Variants in SLC16A7 observed in about 807,000 individuals in gnomAD.
SLC16A7 encodes monocarboxylate transporter 2.
Under a neutral mutation model 34.9 loss-of-function variants are expected in SLC16A7, and 33 were observed. That is an observed-to-expected ratio of 0.94 (90% confidence interval 0.72 to 1.26). The LOEUF is 1.26. Ranked by LOEUF, SLC16A7 falls within the 50% of genes most tolerant of loss-of-function variation. SLC16A7 has a pLI of 0.00. For missense variants in SLC16A7, 573 were observed against 578.1 expected (o/e 0.99, Z 0.09); for synonymous variants, 201 against 206.6 (o/e 0.97, Z 0.23).
chr12:59,775,027 T>C lies in SLC16A7; in HGVS notation c.732T>C (p.His244=), dbSNP rs1301956930. 3.7e-6 allele frequency: 6 copies of C among 1,614,048 alleles called. No homozygotes were observed. The highest frequency in any genetic ancestry group is 5.1e-6 in the Non-Finnish European group (6 of 1,179,958). Residue 244 remains histidine, a synonymous_variant, in exon 5 of 6, where the codon CAT becomes CAC. Coordinates refer to ENST00000547379, the MANE Select transcript of SLC16A7 (RefSeq NM_001270623.2). ...NKYLDFSLFK[H]RGFLIYLSGN... Reference sequence around the variant, plus strand: ...ATTTAGATTTCTCCCTTTTTAAGCATAGAGGATTTCTGATATATCTGTCTG... The same window carrying C: ...ATTTAGATTTCTCCCTTTTTAAGCACAGAGGATTTCTGATATATCTGTCTG...
intron 1 of SLC16A7, among the ~76,000 whole-genome samples, chr12:59,615,712 A>C (rs988425446): frequency 6.6e-6 from 1 of 152,218 alleles, no homozygotes; most frequent in African/African-American, 2.4e-5. Context: ...CCATTGCCTC[A>C]GAAATCTGTT....
chr12:59,600,397 G>C (rs112082510), intron 1 of SLC16A7, among the ~76,000 whole-genome samples: 131 of 152,064 alleles, frequency 8.6e-4, no homozygotes, highest in African/African-American at 2.9e-3. Flanking sequence ...AAAACTGTTT[G>C]GATCAAAGTG....
intron 2 of SLC16A7, among the ~76,000 whole-genome samples, chr12:59,684,734 G>A (rs151018593): frequency 6.6e-6 from 1 of 152,168 alleles, no homozygotes; most frequent in East Asian, 1.9e-4. Context: ...AGGAGGAAAG[G>A]TCAAGGTGGA....
chr12:59,681,624 G>C (rs2137074053), intron 2 of SLC16A7, among the ~76,000 whole-genome samples: 1 of 152,308 alleles, frequency 6.6e-6, no homozygotes, highest in Admixed American at 6.5e-5. Flanking sequence ...GCATGGGGAA[G>C]AGGATGGAAG....
chr12:59,753,172 C>T (rs868459346), intron 3 of SLC16A7, among the ~76,000 whole-genome samples: 35 of 152,092 alleles, frequency 2.3e-4, no homozygotes, highest in Admixed American at 7.2e-4. Context: ...TAAAGTCCAT[C>T]GAGGCTAGGA....
intron 3 of SLC16A7, among the ~76,000 whole-genome samples, chr12:59,713,657 T>C (rs1357012079): frequency 2.0e-5 from 3 of 152,174 alleles, no homozygotes; most frequent in African/African-American, 7.2e-5. Context: ...AAGTATATGC[T>C]TCAGGAGTGT....
intron 3 of SLC16A7, among the ~76,000 whole-genome samples, chr12:59,711,775 C>G (rs1006730758): frequency 6.6e-6 from 1 of 152,164 alleles, no homozygotes; most frequent in African/African-American, 2.4e-5. Context: ...AAGGGCTGGA[C>G]TTACAGATGT....
chr12:59,599,807 G>A (rs549650839), intron 1 of SLC16A7, among the ~76,000 whole-genome samples: 28 of 152,204 alleles, frequency 1.8e-4, no homozygotes, highest in African/African-American at 6.5e-4. Flanking sequence ...GAACTACTTC[G>A]TAACTTGATC....
intron 2 of SLC16A7, among the ~76,000 whole-genome samples, chr12:59,682,103 G>A (rs889793523): frequency 2.6e-5 from 4 of 152,252 alleles, no homozygotes; most frequent in African/African-American, 4.8e-5. Context: ...TTACCTAGCT[G>A]TACTTAGTAC....
At chr12:59,767,219 A>G (rs1881752336) in intron 3 of SLC16A7, among the ~76,000 whole-genome samples, 1 of 151,670 alleles carries the variant, frequency 6.6e-6, no homozygotes, top group Admixed American at 6.6e-5. Context: ...GTTTAAGGAA[A>G]GAAGCCATCT....
At chr12:59,766,068 C>T (rs1002185723) in intron 3 of SLC16A7, among the ~76,000 whole-genome samples, 3 of 152,040 alleles carry the variant, frequency 2.0e-5, no homozygotes, top group Admixed American at 6.6e-5. Flanking sequence ...AAGTTGGATT[C>T]CTAGGTATTT....
chr12:59,598,469 A>T (rs1470118723), intron 1 of SLC16A7, among the ~76,000 whole-genome samples: 2 of 150,686 alleles, frequency 1.3e-5, no homozygotes, highest in Non-Finnish European at 3.0e-5. Flanking sequence ...TCTTTCTTGT[A>T]TCCCATTTGC....
At chr12:59,623,993 A>G (rs1879812338) in intron 1 of SLC16A7, among the ~76,000 whole-genome samples, 1 of 151,472 alleles carries the variant, frequency 6.6e-6, no homozygotes, top group Non-Finnish European at 1.5e-5. Context: ...TTACAGTAAT[A>G]GAGTTTAAAA....
intron 2 of SLC16A7, among the ~76,000 whole-genome samples, chr12:59,685,287 A>T (rs1027325463): frequency 6.6e-6 from 1 of 152,148 alleles, no homozygotes; most frequent in African/African-American, 2.4e-5. Context: ...TAAGGACTTG[A>T]AGTTGTAAAT....
chr12:59,668,307 AG>A (rs1275097025), intron 2 of SLC16A7, among the ~76,000 whole-genome samples: 4 of 152,212 alleles, frequency 2.6e-5, no homozygotes, highest in African/African-American at 9.6e-5. Context: ...AGCCTGTGAA[AG>A]CAGCTGGGAG....
intron 3 of SLC16A7, among the ~76,000 whole-genome samples, chr12:59,765,386 T>G (rs1881490317): frequency 6.6e-6 from 1 of 152,226 alleles, no homozygotes; most frequent in Admixed American, 6.5e-5. Context: ...CTTTTGGTGT[T>G]TTACACATGA....
intron 1 of SLC16A7, among the ~76,000 whole-genome samples, chr12:59,652,753 T>G (rs1157285828): frequency 6.6e-6 from 1 of 151,790 alleles, no homozygotes; most frequent in African/African-American, 2.4e-5. Flanking sequence ...TGAACCTTTC[T>G]AGAAAAGTAA....
At chr12:59,624,212 A>AT (rs908889548) in intron 1 of SLC16A7, among the ~76,000 whole-genome samples, 1 of 151,308 alleles carries the variant, frequency 6.6e-6, no homozygotes, top group Admixed American at 6.6e-5. Flanking sequence ...CCATAGTCTC[A>AT]TTTTTTTTAC....
At chr12:59,683,357 A>G (rs1247536790) in intron 2 of SLC16A7, among the ~76,000 whole-genome samples, 1 of 152,168 alleles carries the variant, frequency 6.6e-6, no homozygotes, top group Admixed American at 6.5e-5. Flanking sequence ...TCCTGCTAGG[A>G]TGTGTTGGAG....
Sources: gnomAD v4.1 joint callset for allele counts (sites outside exome capture counted in the v4.1 genomes callset) on GRCh38, gnomAD v4.1.1 for gene constraint, MANE v1.5 for transcripts, NCBI Gene and HGNC (gene_info 2026-07-23, HGNC 2026-07-21) for gene names.